The following EFTUD2 variants were observed in gnomAD, a reference collection of about 807,000 sequenced individuals.
The protein encoded by EFTUD2 is 116 kDa U5 small nuclear ribonucleoprotein component.
In EFTUD2, 9 loss-of-function variants were observed where a neutral mutation model predicts 114.3. The ratio of observed to expected loss-of-function variants is 0.08; its 90% CI spans 0.05 to 0.14. EFTUD2 has a LOEUF of 0.14. Among genes scored for constraint, EFTUD2 ranks in the 10% least tolerant of loss-of-function variants. EFTUD2 has a pLI of 1.00. For missense variants in EFTUD2, 765 were observed against 1,241.2 expected, an observed-to-expected ratio of 0.62 and a Z score of 5.76; for synonymous variants, 449 against 462.3, an observed-to-expected ratio of 0.97 and a Z score of 0.37.
In EFTUD2 at chr17:44,850,052, A is replaced by G. The variant is rs1049424117; in HGVS notation, c.*1222T>C. 2.4e-5 allele frequency: 8 copies of G among 336,964 alleles called. No individual in the cohort carries two copies. Among genetic ancestry groups the G allele is most frequent in the Non-Finnish European group, 4.5e-5 (8 of 178,996 alleles). The allele number at this position is 336,964 out of a possible 1,614,324, so 20.9% of individuals were successfully genotyped here. A position where few individuals can be genotyped will look rare whatever the true frequency, so the allele number is the denominator to read the frequency against. ...GAGCCTCAGTTTCCTGATGTGTAAC[A>G]TGACAATAACCACCCCTGGCCTGCC... On this transcript the variant is annotated 3_prime_UTR_variant, in exon 28 of 28. Coordinates refer to ENST00000426333, the MANE Select transcript of EFTUD2 (RefSeq NM_004247.4).
rs754980053 is a variant in EFTUD2 at position 44,850,373 on chromosome 17, G to A, written c.*901C>T. ...GTACAGCGATTACGTCAAGAGGATG[G>A]CACAGGATGCTGGAGAGAAGTAGGA... On this transcript the variant is annotated 3_prime_UTR_variant, in exon 28 of 28. Transcript: ENST00000426333. The A allele has an allele frequency of 6.2e-7, 1 of 1,613,236 alleles. No individual in the cohort carries two copies. Among genetic ancestry groups the A allele is most frequent in the South Asian group, 1.1e-5 (1 of 90,798 alleles).
At chr17:44,886,855 T>C in intron 2 of EFTUD2, 105 bp from the exon 3 acceptor site, 1 of 1,494,862 alleles carries the variant, frequency 6.7e-7, no homozygotes, top group Admixed American at 2.1e-5. Context: ...GCTGGCCAGC[T>C]TCTTATTCTG....
In EFTUD2 at chr17:44,854,540, A is replaced by G; in HGVS notation, c.2259+16T>C. 5 of 1,610,736 alleles carry G rather than the reference A, an allele frequency of 3.1e-6. No individual in the cohort carries two copies. The highest frequency in any genetic ancestry group is 4.2e-6 in the Non-Finnish European group (5 of 1,178,020). ...GGTAAGAGACCGCCACCCAGTTCCCATCAGTTCTGCTGTACCTCAGAGGGC... is the reference window on the plus strand; with the variant it reads ...GGTAAGAGACCGCCACCCAGTTCCCGTCAGTTCTGCTGTACCTCAGAGGGC... On this transcript the variant is annotated intron_variant, in intron 22 of 27. Coordinates refer to ENST00000426333, the MANE Select transcript of EFTUD2 (RefSeq NM_004247.4). The surrounding 1 kb of genome is among the most constrained non-coding windows in gnomAD (Gnocchi z 4.3).
chr17:44,874,586 G>A (rs1418068577), intron 10 of EFTUD2, among the ~76,000 whole-genome samples: 1 of 152,162 alleles, frequency 6.6e-6, no homozygotes, highest in African/African-American at 2.4e-5. Context: ...CCTCCTCACA[G>A]GCCCATTTGA....
chr17:44,852,008 C>G (rs1434357859), intron 26 of EFTUD2, among the ~76,000 whole-genome samples, 191 bp from the exon 27 acceptor site: 1 of 152,086 alleles, frequency 6.6e-6, no homozygotes, highest in Non-Finnish European at 1.5e-5. Flanking sequence ...ACCTCCGCCT[C>G]CCGGGTTCAA....
At position 44,852,701 on chromosome 17, in the gene EFTUD2, A is replaced by G. The variant is rs117569358; in HGVS notation, c.2562-139T>C. 1.4e-3 allele frequency: 1,518 copies of G among 1,097,772 alleles called. 17 individuals carry two copies. The East Asian group carries it at 0.033, about 24-fold the overall frequency. 68.0% of individuals were successfully genotyped at this position (1,097,772 alleles called of 1,614,324 possible). A position where few individuals can be genotyped will look rare whatever the true frequency, so the allele number is the denominator to read the frequency against. On this transcript the variant is annotated intron_variant, in intron 25 of 27. Coordinates refer to ENST00000426333, the MANE Select transcript of EFTUD2 (RefSeq NM_004247.4). ...AAAGAGTAACCAAGAATGTTCTACA[A>G]AAAGCAGAAAAGGCTCAGGGCTCTC...
chr17:44,863,880 C>T (rs148793025), intron 14 of EFTUD2, 98 bp from the exon 15 acceptor site: 152 of 1,494,548 alleles, frequency 1.0e-4, no homozygotes, highest in East Asian at 2.6e-4. Context: ...GCTCAAAGTG[C>T]GGGGACTGAT....
chr17:44,880,339 GAA>G (rs1418508411), intron 8 of EFTUD2: 1 of 412,136 alleles, frequency 2.4e-6, no homozygotes, highest in Non-Finnish European at 4.4e-6. Context: ...TTAAATATTC[GAA>G]AGAGTAAAGA....
intron 10 of EFTUD2, among the ~76,000 whole-genome samples, chr17:44,874,592 T>C (rs974572759): frequency 6.6e-6 from 1 of 152,142 alleles, no homozygotes; most frequent in African/African-American, 2.4e-5. Context: ...CACAGGCCCA[T>C]TTGAGGGGCT....
chr17:44,894,645 C>A, intron 1 of EFTUD2, 120 bp from the exon 2 acceptor site: 1 of 706,546 alleles, frequency 1.4e-6, no homozygotes. Flanking sequence ...TGCCTCCTCT[C>A]CAGTGACATC....
intron 9 of EFTUD2, among the ~76,000 whole-genome samples, chr17:44,878,981 C>T (rs999226437): frequency 2.6e-5 from 4 of 152,206 alleles, no homozygotes; most frequent in Non-Finnish European, 5.9e-5. Context: ...CTCCTCCCTT[C>T]CTTTTATTTA....
At chr17:44,868,203 C>A in intron 12 of EFTUD2, 84 bp downstream of exon 12, 14 of 1,211,536 alleles carry the variant, frequency 1.2e-5, no homozygotes, top group South Asian at 1.6e-5. Flanking sequence ...GGTATTTAAT[C>A]TTTGAACTCA....
Position 44,862,715 on chromosome 17 carries a change from G to A in EFTUD2, c.1605C>T (p.Ala535=), listed in dbSNP as rs146924589. 19 of 1,612,622 alleles carry A rather than the reference G, an allele frequency of 1.2e-5. No homozygotes were observed. The East Asian group carries it at 4.2e-4, about 36-fold the overall frequency. Residue 535 remains alanine (A), a splice_region_variant and synonymous_variant, in exon 16 of 28, where the codon GCC becomes GCT. Coordinates refer to ENST00000426333, the MANE Select transcript of EFTUD2 (RefSeq NM_004247.4). ...CCTGGGGCTCTGGTTGGCAGTACCTGGCCACAGAGATCCAAAGGCGGCCCA... is the reference window on the plus strand; with the variant it reads ...CCTGGGGCTCTGGTTGGCAGTACCTAGCCACAGAGATCCAAAGGCGGCCCA... The part of the protein sequence containing the change: ...CTVGRLWISV[A]RYHIEVNRVP...
At chr17:44,882,033 T>G (rs2051081312) in intron 6 of EFTUD2, among the ~76,000 whole-genome samples, 1 of 152,114 alleles carries the variant, frequency 6.6e-6, no homozygotes, top group African/African-American at 2.4e-5. Context: ...CTCCAGGGTT[T>G]AAGAGATTCT....
Position 44,850,368 on chromosome 17 carries a change from G to A in EFTUD2, c.*906C>T, listed in dbSNP as rs1189796007. On this transcript the variant is annotated 3_prime_UTR_variant, in exon 28 of 28. Coordinates refer to ENST00000426333, the MANE Select transcript of EFTUD2 (RefSeq NM_004247.4). The stretch of plus-strand genomic sequence containing the variant: ...ACAATGTACAGCGATTACGTCAAGA[G>A]GATGGCACAGGATGCTGGAGAGAAG... The A allele has an allele frequency of 1.2e-6, 2 of 1,613,212 alleles. No individual in the cohort carries two copies. The highest frequency in any genetic ancestry group is 1.7e-6 in the Non-Finnish European group (2 of 1,179,564).
Position 44,868,275 on chromosome 17 carries a change from T to C in EFTUD2, c.1058+12A>G, listed in dbSNP as rs576542483. The C allele has an allele frequency of 6.2e-7, 1 of 1,612,816 alleles. No individual in the cohort carries two copies. Among genetic ancestry groups the C allele is most frequent in the South Asian group, 1.1e-5 (1 of 90,906 alleles). On this transcript the variant is annotated intron_variant, in intron 12 of 27. Coordinates refer to ENST00000426333, the MANE Select transcript of EFTUD2 (RefSeq NM_004247.4). Reference sequence around the variant, plus strand: ...CACCCCTCTGGAAAGTCACGTCCCATACTCTACTTACGTCTTAGGGTTGAA... The same window carrying C: ...CACCCCTCTGGAAAGTCACGTCCCACACTCTACTTACGTCTTAGGGTTGAA...
chr17:44,864,913 C>G lies in EFTUD2; in HGVS notation c.1285+17G>C, dbSNP rs868038377. 49 of 1,612,874 alleles carry G rather than the reference C, an allele frequency of 3.0e-5. No homozygotes were observed. The Middle Eastern group carries it at 6.6e-4, about 22-fold the overall frequency. On this transcript the variant is annotated intron_variant, in intron 14 of 27. Transcript: ENST00000426333. ...CACGAGGATGACAGAGTTAAGGGGC[C>G]ACGAGCACATTATTACCTGTGAACT...
chr17:44,874,265 G>T (rs1290077046), intron 10 of EFTUD2, among the ~76,000 whole-genome samples: 1 of 151,826 alleles, frequency 6.6e-6, no homozygotes, highest in Non-Finnish European at 1.5e-5. Context: ...GGCTGGCCTT[G>T]AACTCCTAGC....
intron 9 of EFTUD2, among the ~76,000 whole-genome samples, chr17:44,876,467 G>A (rs2050951139): frequency 1.3e-5 from 2 of 152,146 alleles, no homozygotes; most frequent in Non-Finnish European, 2.9e-5. Flanking sequence ...AGATATGTAT[G>A]AGTGTATATA....
Sources: allele counts gnomAD v4.1 joint callset (sites outside exome capture counted in the v4.1 genomes callset), GRCh38; gene constraint gnomAD v4.1.1; non-coding constraint Gnocchi (gnomAD v3.1); transcripts MANE v1.5; gene names NCBI Gene and HGNC (gene_info 2026-07-23, HGNC 2026-07-21).